Variants in PDE4A observed in about 807,000 individuals in gnomAD.
PDE4A encodes phosphodiesterase 4A.
In PDE4A, 21 loss-of-function variants were observed where a neutral mutation model predicts 73.9. That is an observed-to-expected ratio of 0.28 (90% CI 0.20 to 0.41). The LOEUF (loss-of-function observed/expected upper bound fraction) is 0.41, where lower values mean the gene tolerates loss of function less well. Among genes scored for constraint, PDE4A ranks in the 10% least tolerant of loss-of-function variants. The pLI, the probability that PDE4A is intolerant of heterozygous loss-of-function variation, is 1.00. For missense variants in PDE4A, 958 were observed against 1,211.4 expected (o/e 0.79, Z 3.10); for synonymous variants, 463 against 505.4 (o/e 0.92, Z 1.13).
Position 10,454,965 on chromosome 19 carries a change from G to C in PDE4A, c.877+43G>C, listed in dbSNP as rs764950057. ...CGTGGGATTGGAGGGGGGACATTTGGGGTAGAGAGGGGGCTGCCCCTGACC... is the reference window on the plus strand; with the variant it reads ...CGTGGGATTGGAGGGGGGACATTTGCGGTAGAGAGGGGGCTGCCCCTGACC... On this transcript the variant is annotated intron_variant, in intron 7 of 14. Transcript: ENST00000380702. The C allele has an allele frequency of 2.1e-5, 34 of 1,594,484 alleles. No homozygotes were observed. The Admixed American group carries it at 5.7e-4, about 27-fold the overall frequency.
rs567920811 is a variant in PDE4A at position 10,453,036 on chromosome 19, G to C, written c.784-1793G>C. ...CCCCACCGCCTCCACCCACTGCCGCGGGGGGGCCCGTTGGGGCCCAGGGCT... is the reference window on the plus strand; with the variant it reads ...CCCCACCGCCTCCACCCACTGCCGCCGGGGGGCCCGTTGGGGCCCAGGGCT... On this transcript the variant is annotated intron_variant, in intron 6 of 14. Coordinates refer to ENST00000380702, the MANE Select transcript of PDE4A (RefSeq NM_001111307.2). This position sits in a 1 kb window ranked among gnomAD's most constrained non-coding sequence, Gnocchi z 4.6. 14 of 1,320,646 alleles carry C rather than the reference G, an allele frequency of 1.1e-5. No homozygotes were observed. The African/African-American group carries it at 1.4e-4, about 13-fold the overall frequency. The allele number at this position is 1,320,646 out of a possible 1,614,324, so 81.8% of individuals were successfully genotyped here.
At chr19:10,447,930 C>T (rs1406655295) in intron 2 of PDE4A, among the ~76,000 whole-genome samples, 2 of 152,100 alleles carry the variant, frequency 1.3e-5, no homozygotes, top group Non-Finnish European at 2.9e-5. Flanking sequence ...TTCCTGTTCA[C>T]TGCTCCCCTC....
intron 13 of PDE4A, among the ~76,000 whole-genome samples, chr19:10,463,225 G>C (rs1404577920): frequency 6.6e-6 from 1 of 150,444 alleles, no homozygotes; most frequent in Non-Finnish European, 1.5e-5. Flanking sequence ...GCGTAGCTGG[G>C]ATTACAGGTG....
At chr19:10,431,524 C>T (rs1008174827) in intron 1 of PDE4A, among the ~76,000 whole-genome samples, 5 of 152,324 alleles carry the variant, frequency 3.3e-5, no homozygotes, top group South Asian at 2.1e-4. Flanking sequence ...TCTGGCCAGA[C>T]GGGGTGGGCT....
intron 11 of PDE4A, 116 bp downstream of exon 11, chr19:10,461,219 TGGCC>T (rs1444445215): frequency 1.1e-6 from 1 of 898,836 alleles, no homozygotes; most frequent in East Asian, 1.3e-4. Flanking sequence ...CGGGGCTGGC[TGGCC>T]TGGAAAGGGG....
At chr19:10,421,300 G>A (rs1010026694) in intron 1 of PDE4A, 7 of 985,308 alleles carry the variant, frequency 7.1e-6, no homozygotes, top group Non-Finnish European at 8.4e-6. Context: ...GTCCATTTAG[G>A]GGGCGCCACG....
intron 1 of PDE4A, chr19:10,423,030 G>A (rs2042670402): frequency 1.2e-6 from 1 of 839,316 alleles, no homozygotes; most frequent in Non-Finnish European, 1.4e-6. Context: ...TCTCGCAATG[G>A]CTCACCCTCC....
At position 10,458,405 on chromosome 19, in the gene PDE4A, G is replaced by T. The variant is rs966356178; in HGVS notation, c.1101+303G>T. Among the ~76,000 whole-genome samples the T allele has an allele frequency of 6.6e-6, 1 of 152,170 alleles. No individual in the cohort carries two copies. The highest frequency in any genetic ancestry group is 2.4e-5 in the African/African-American group (1 of 41,434). ...AACACTCCCAGCTGCAGAGGGATTG[G>T]TGTACACAGCAGTGACGCTAATCCA... On this transcript the variant is annotated intron_variant, in intron 8 of 14. Coordinates refer to ENST00000380702, the MANE Select transcript of PDE4A (RefSeq NM_001111307.2). This position sits in a 1 kb window ranked among gnomAD's most constrained non-coding sequence, Gnocchi z 4.6.
At chr19:10,420,507 G>T, upstream of PDE4A, 1 of 1,039,336 alleles carries the variant, frequency 9.6e-7, no homozygotes. The surrounding 1 kb of genome is among the most constrained non-coding windows in gnomAD (Gnocchi z 6.0). Flanking sequence ...GGCGCCGAGC[G>T]GGCCGCGGAA....
chr19:10,430,961 CCGCCGCCCGCGTT>C (rs769713868), intron 1 of PDE4A: 6 of 1,538,686 alleles, frequency 3.9e-6, no homozygotes, highest in Non-Finnish European at 5.2e-6. Flanking sequence ...CGCGCGCGCC[CCGCCGCCCGCGTT>C]CGCCGCCCTC....
intron 1 of PDE4A, 55 bp from the exon 2 acceptor site, chr19:10,446,163 A>T (rs2043000276): frequency 6.6e-7 from 1 of 1,521,762 alleles, no homozygotes; most frequent in African/African-American, 1.4e-5. Flanking sequence ...ATTCCTCTTG[A>T]CCTCCCTAAT....
chr19:10,429,279 G>A (rs200156714), intron 1 of PDE4A, among the ~76,000 whole-genome samples: 22 of 120,348 alleles, frequency 1.8e-4, no homozygotes, highest in East Asian at 6.3e-4. Context: ...AGGAAGGAAG[G>A]AAGAAAGAAA....
In PDE4A at chr19:10,467,849, G is replaced by A. The variant is rs915368850; in HGVS notation, c.*228G>A. The stretch of plus-strand genomic sequence containing the variant: ...CTGGGGAATGAGGGGCTGAGGTCCC[G>A]GAAGGGATTTTATTTTTTTGAATTT... On this transcript the variant is annotated 3_prime_UTR_variant, in exon 15 of 15. Coordinates refer to ENST00000380702, the MANE Select transcript of PDE4A (RefSeq NM_001111307.2). The A allele has an allele frequency of 4.1e-5, 16 of 392,794 alleles. No individual in the cohort carries two copies. Among genetic ancestry groups the A allele is most frequent in the East Asian group, 2.9e-4 (8 of 27,614 alleles). The allele number at this position is 392,794 out of a possible 1,614,324, so 24.3% of individuals were successfully genotyped here. A position where few individuals can be genotyped will look rare whatever the true frequency, so the allele number is the denominator to read the frequency against.
At chr19:10,441,184 A>G (rs2042932946) in intron 1 of PDE4A, among the ~76,000 whole-genome samples, 1 of 152,090 alleles carries the variant, frequency 6.6e-6, no homozygotes, top group Non-Finnish European at 1.5e-5. Flanking sequence ...GCAGGCACAC[A>G]CTGCCATGCC....
intron 1 of PDE4A, among the ~76,000 whole-genome samples, chr19:10,435,681 G>A (rs2042856663): frequency 6.6e-6 from 1 of 152,130 alleles, no homozygotes; most frequent in African/African-American, 2.4e-5. Flanking sequence ...TGGGCATGTG[G>A]CTGTGATGTA....
In PDE4A at chr19:10,468,199, C is replaced by G. The variant is rs1568389168; in HGVS notation, c.*578C>G. On this transcript the variant is annotated 3_prime_UTR_variant, in exon 15 of 15. Transcript: ENST00000380702. ...GTGGGAGGTCCCAGCTCCAGCCCCC[C>G]TCTGGTTTGCTGCCTCCTCTCCCCT... 1 of 152,702 alleles carries G rather than the reference C, an allele frequency of 6.5e-6. No individual in the cohort carries two copies. The highest frequency in any genetic ancestry group is 2.4e-5 in the African/African-American group (1 of 41,394). The allele number at this position is 152,702 out of a possible 1,614,324, so 9.5% of individuals were successfully genotyped here. A position where few individuals can be genotyped will look rare whatever the true frequency, so the allele number is the denominator to read the frequency against.
chr19:10,420,378 GC>G (rs1206146270), upstream of PDE4A: 3 of 976,870 alleles, frequency 3.1e-6, no homozygotes, highest in South Asian at 4.7e-5. This position sits in a 1 kb window ranked among gnomAD's most constrained non-coding sequence, Gnocchi z 6.0. Context: ...GGCGGGAAGG[GC>G]CCCCCTCCTT....
chr19:10,466,774 A>C, intron 14 of PDE4A, 113 bp from the exon 15 acceptor site: 6 of 1,487,116 alleles, frequency 4.0e-6, no homozygotes, highest in Non-Finnish European at 5.4e-6. Context: ...GATTATAGAC[A>C]TGAGCCACCA....
At position 10,467,605 on chromosome 19, in the gene PDE4A, G is replaced by C. The variant is rs140913905; in HGVS notation, c.2645G>C (p.Gly882Ala). 55 of 1,573,580 alleles carry C rather than the reference G, an allele frequency of 3.5e-5. No individual in the cohort carries two copies. In the African/African-American group the frequency reaches 7.1e-4, roughly 20 times the overall value. ...ALPAPGGGGS[G>A]GDPT ...CCAGCTCCTGGTGGCGGGGGGTCAG[G>C]TGGAGACCCTACCTGATCCCCAGAC... The change falls in exon 15 of 15, where the codon GGT becomes GCT. Residue 882 changes from glycine (G) to alanine (A), a missense_variant. By Grantham distance (60) the Gly-to-Ala change is moderately conservative. This residue lies in a region of PDE4A where 243 missense variants were observed against 245.9 expected (regional missense o/e 0.99). Coordinates refer to ENST00000380702, the MANE Select transcript of PDE4A (RefSeq NM_001111307.2).
Sources: allele counts gnomAD v4.1 joint callset (sites outside exome capture counted in the v4.1 genomes callset), GRCh38; gene constraint gnomAD v4.1.1; regional missense constraint gnomAD v4.1.1; non-coding constraint Gnocchi (gnomAD v3.1); transcripts MANE v1.5; gene names NCBI Gene and HGNC (gene_info 2026-07-23, HGNC 2026-07-21).